The following GOT1L1 variants were observed in gnomAD, a reference collection of about 807,000 sequenced individuals.
GOT1L1 encodes the protein aspartate aminotransferase, cytoplasmic 2.
GOT1L1 carries 38 observed loss-of-function variants against 43.6 expected under a neutral mutation model. That is an observed-to-expected ratio of 0.87 (90% CI 0.67 to 1.14). The LOEUF is 1.14. Ranked by LOEUF, GOT1L1 falls within the 50% of genes most tolerant of loss-of-function variation. The pLI, the probability that GOT1L1 is intolerant of heterozygous loss-of-function variation, is 0.00. For missense variants in GOT1L1, 482 were observed against 504.0 expected (o/e 0.96, Z 0.42); for synonymous variants, 183 against 187.2 (o/e 0.98, Z 0.18).
chr8:37,934,443 G>C lies in GOT1L1; in HGVS notation c.1116C>G (p.Ile372Met). The change falls in exon 9 of 9, where the codon ATC becomes ATG. Residue 372 changes from isoleucine (I) to methionine (M), a missense_variant. Coordinates refer to ENST00000307599, the MANE Select transcript of GOT1L1 (RefSeq NM_152413.3). The part of the protein sequence containing the change: ...EYLVRKKHIY[I>M]PKNGQINFSC... ...TGAAGTTAATCTGACCGTTCTTGGGGATATAGATGTGCTTCTTCCTGACCA... is the reference window on the plus strand; with the variant it reads ...TGAAGTTAATCTGACCGTTCTTGGGCATATAGATGTGCTTCTTCCTGACCA... The C allele has an allele frequency of 1.2e-6, 2 of 1,613,898 alleles. No individual in the cohort carries two copies. Among genetic ancestry groups the C allele is most frequent in the Non-Finnish European group, 8.5e-7 (1 of 1,179,836 alleles).
At chr8:37,939,834 C>T (rs1394571151) in intron 1 of GOT1L1, 81 bp downstream of exon 1, 2 of 1,365,738 alleles carry the variant, frequency 1.5e-6, no homozygotes, top group African/African-American at 2.9e-5. Flanking sequence ...TGCACCCCTC[C>T]CCCTGCAGCA....
chr8:37,935,341 T>C, intron 7 of GOT1L1, 126 bp from the exon 8 acceptor site: 1 of 971,230 alleles, frequency 1.0e-6, no homozygotes, highest in South Asian at 1.8e-5. Flanking sequence ...TCTGGGATGA[T>C]TATGAGTGGG....
In GOT1L1 at chr8:37,934,377, G is replaced by A. The variant is rs369494599; in HGVS notation, c.1182C>T (p.Gly394=). The A allele has an allele frequency of 2.7e-5, 44 of 1,613,072 alleles. No individual in the cohort carries two copies. In the African/African-American group the frequency reaches 4.1e-4, roughly 15 times the overall value. ...NANNINYITE[G]INEAVLLTES... is the part of the protein sequence containing the mutation. ...CTGTGAGGAGGACAGCCTCATTGAT[G>A]CCCTCAGTGATGTAATTTATGTTGT... Residue 394 remains glycine, a synonymous_variant, in exon 9 of 9, where the codon GGC becomes GGT. Coordinates refer to ENST00000307599, the MANE Select transcript of GOT1L1 (RefSeq NM_152413.3).
chr8:37,935,790 T>C lies in GOT1L1; in HGVS notation c.843A>G (p.Leu281=), dbSNP rs775714349. The C allele has an allele frequency of 9.2e-5, 148 of 1,613,112 alleles. 1 individual carries two copies. In the South Asian group the frequency reaches 1.6e-3, roughly 17 times the overall value. ...LLCVLSQLEG[L]AQALWLNPPN... Reference sequence around the variant, plus strand: ...GGGGGTTTAGCCACAGGGCCTGGGCTAATCCTTCCAGCTGGGAGAGGACAC... The same window carrying C: ...GGGGGTTTAGCCACAGGGCCTGGGCCAATCCTTCCAGCTGGGAGAGGACAC... Residue 281 remains leucine (L), a synonymous_variant, in exon 7 of 9, where the codon TTA becomes TTG. Transcript: ENST00000307599.
rs758145965 is a variant in GOT1L1, at chr8:37,939,966, T to C, written c.64A>G (p.Lys22Glu). 3 of 1,613,620 alleles carry C rather than the reference T, an allele frequency of 1.9e-6. No individual in the cohort carries two copies. The East Asian group carries it at 6.7e-5, about 36-fold the overall frequency. Reference protein sequence around the residue: ...LAHKLEGSLLKTYKQDDYPNK... With the variant: ...LAHKLEGSLLETYKQDDYPNK... ...GGGTAATCATCTTGTTTGTAGGTCT[T>C]TAACAAGCTGCCCTCTAGCTTGTGG... Residue 22 changes from lysine to glutamate, a missense_variant, in exon 1 of 9, where the codon AAG (lysine) becomes GAG (glutamate). Coordinates refer to ENST00000307599, the MANE Select transcript of GOT1L1 (RefSeq NM_152413.3).
intron 3 of GOT1L1, 55 bp from the exon 4 acceptor site, chr8:37,937,441 C>T (rs1006253936): frequency 1.5e-5 from 19 of 1,245,350 alleles, no homozygotes; most frequent in Non-Finnish European, 1.9e-5. Context: ...GAGACGGAGA[C>T]AGAGGTACTG....
rs1237987679 is a variant in GOT1L1 at position 37,939,431 on chromosome 8, A to AAAAT, written c.115+483_115+484insATTT. 6.9e-3 allele frequency among the ~76,000 whole-genome samples: 285 copies of AAAAT among 41,588 alleles called. 5 individuals carry two copies. Among genetic ancestry groups the AAAAT allele is most frequent in the Non-Finnish European group, 0.011 (245 of 21,816 alleles). The allele number at this position is 41,588 out of a possible 152,430, so 27.3% of individuals were successfully genotyped here. A position where few individuals can be genotyped will look rare whatever the true frequency, so the allele number is the denominator to read the frequency against. On this transcript the variant is annotated intron_variant, in intron 1 of 8. Coordinates refer to ENST00000307599, the MANE Select transcript of GOT1L1 (RefSeq NM_152413.3). Reference sequence around the variant, plus strand: ...CCTGTCTCAAGAAAAAAAAAAAAAAAATATATATATATATATATATATATA... The same window carrying AAAAT: ...CCTGTCTCAAGAAAAAAAAAAAAAAAAAATATATATATATATATATATATATATA...
At chr8:37,939,443 T>A (rs1429864464) in intron 1 of GOT1L1, among the ~76,000 whole-genome samples, 362 of 29,860 alleles carry the variant, frequency 0.012, 17 homozygotes, top group African/African-American at 0.068. Context: ...TATATATATA[T>A]ATATATATAT....
chr8:37,934,715 A>T lies in GOT1L1; in HGVS notation c.1073-229T>A, dbSNP rs148582865. ...CCTCCCAAGTAGCTATGATTACAGG[A>T]TGCACCACCATGCACGGCTAATTTT... On this transcript the variant is annotated intron_variant, in intron 8 of 8. Transcript: ENST00000307599. 3.1e-4 allele frequency among the ~76,000 whole-genome samples: 47 copies of T among 152,154 alleles called. No homozygotes were observed. In the East Asian group the frequency reaches 8.9e-3, roughly 29 times the overall value.
Position 37,940,034 on chromosome 8 carries a change from G to A in GOT1L1, c.-5C>T. 1 of 1,611,386 alleles carries A rather than the reference G, an allele frequency of 6.2e-7. No individual in the cohort carries two copies. Among genetic ancestry groups the A allele is most frequent in the Non-Finnish European group, 8.5e-7 (1 of 1,178,600 alleles). ...GAACACTGAAAGGGTGGGCATAACTGAAACGAAACTGGAGCCAAGACTATG... is the reference window on the plus strand; with the variant it reads ...GAACACTGAAAGGGTGGGCATAACTAAAACGAAACTGGAGCCAAGACTATG... On this transcript the variant is annotated 5_prime_UTR_variant, in exon 1 of 9. Transcript: ENST00000307599.
Position 37,937,696 on chromosome 8 carries a change from C to A in GOT1L1, c.351G>T (p.Gln117His), listed in dbSNP as rs776749648. The change falls in exon 3 of 9, where the codon CAG becomes CAT. Residue 117 changes from glutamine to histidine, a missense_variant. Coordinates refer to ENST00000307599, the MANE Select transcript of GOT1L1 (RefSeq NM_152413.3). ...GDSGAFQLGV[Q>H]FLRAWHKDAR... ...CATCCTTATGCCAAGCTCTGAGAAA[C>A]TGGACGCCAAGCTGGAAGGCACCAC... is the stretch of plus-strand genomic sequence containing the variant. 1 of 1,613,354 alleles carries A rather than the reference C, an allele frequency of 6.2e-7. No homozygotes were observed. The highest frequency in any genetic ancestry group is 8.5e-7 in the Non-Finnish European group (1 of 1,179,654).
chr8:37,937,026 C>T lies in GOT1L1; in HGVS notation c.551G>A (p.Gly184Glu). 2 of 1,613,934 alleles carry T rather than the reference C, an allele frequency of 1.2e-6. No individual in the cohort carries two copies. Among genetic ancestry groups the T allele is most frequent in the Non-Finnish European group, 1.7e-6 (2 of 1,179,880 alleles). The change falls in exon 5 of 9, where the codon GGG becomes GAG. Residue 184 changes from glycine to glutamate, a missense_variant. Physicochemically the swap from Gly to Glu is moderately conservative, Grantham distance 98. Transcript: ENST00000307599. ...TGTCAACTTGCAGTCGATAATGTTC[C>T]CCATCACAAGGACACAGCCATGTGG... is the stretch of plus-strand genomic sequence containing the variant. ...QIPHGCVLVMGNIIDCKLTPS... is the reference protein window; with the variant it reads ...QIPHGCVLVMENIIDCKLTPS...
intron 2 of GOT1L1, 37 bp downstream of exon 2, chr8:37,938,661 CTG>C: frequency 6.6e-7 from 1 of 1,522,684 alleles, no homozygotes; most frequent in Non-Finnish European, 8.8e-7. Context: ...TCGCCACTCT[CTG>C]TGTCTAAATG....
rs1807864884 is a variant in GOT1L1, at chr8:37,939,434, ATATATATATATATATATATATAT to A, written c.115+458_115+480del. On this transcript the variant is annotated intron_variant, in intron 1 of 8. Transcript: ENST00000307599. ...GTCTCAAGAAAAAAAAAAAAAAAATATATATATATATATATATATATATATATATATATATATATGCAAAATGA... is the reference window on the plus strand; with the variant it reads ...GTCTCAAGAAAAAAAAAAAAAAAATAATATATATATATATATGCAAAATGA... 3.5e-4 allele frequency among the ~76,000 whole-genome samples: 20 copies of A among 57,936 alleles called. No homozygotes were observed. In the South Asian group the frequency reaches 0.011, roughly 31 times the overall value. The allele number at this position is 57,936 out of a possible 152,430, so 38.0% of individuals were successfully genotyped here. A position where few individuals can be genotyped will look rare whatever the true frequency, so the allele number is the denominator to read the frequency against.
Position 37,935,231 on chromosome 8 carries a change from A to G in GOT1L1, c.930-16T>C. Reference sequence around the variant, plus strand: ...ACTCTGCTTCCTACCAAGGAAGGACAATGAGAAAGGAGGGTGTGAGGTCCC... The same window carrying G: ...ACTCTGCTTCCTACCAAGGAAGGACGATGAGAAAGGAGGGTGTGAGGTCCC... On this transcript the variant is annotated splice_polypyrimidine_tract_variant and intron_variant, in intron 7 of 8. Transcript: ENST00000307599. 6.3e-7 allele frequency: 1 copy of G among 1,575,472 alleles called. No individual in the cohort carries two copies. Among genetic ancestry groups the G allele is most frequent in the Non-Finnish European group, 8.6e-7 (1 of 1,159,822 alleles).
Position 37,934,446 on chromosome 8 carries a change from A to G in GOT1L1, c.1113T>C (p.Tyr371=), listed in dbSNP as rs777656483. 10 of 1,613,804 alleles carry G rather than the reference A, an allele frequency of 6.2e-6. No homozygotes were observed. The highest frequency in any genetic ancestry group is 1.3e-5 in the African/African-American group (1 of 74,930). ...VEYLVRKKHI[Y]IPKNGQINFS... ...AGTTAATCTGACCGTTCTTGGGGAT[A>G]TAGATGTGCTTCTTCCTGACCAGGT... Residue 371 remains tyrosine (Y), a synonymous_variant, in exon 9 of 9, where the codon TAT becomes TAC. Coordinates refer to ENST00000307599, the MANE Select transcript of GOT1L1 (RefSeq NM_152413.3).
At chr8:37,934,931 G>T in intron 8 of GOT1L1, 142 bp downstream of exon 8, 2 of 904,206 alleles carry the variant, frequency 2.2e-6, no homozygotes, top group Non-Finnish European at 1.7e-6. Context: ...GTCCAGAAGT[G>T]TCTTTAAAGC....
Position 37,935,815 on chromosome 8 carries a change from C to T in GOT1L1, c.818G>A (p.Cys273Tyr), listed in dbSNP as rs773353289. 1 of 1,613,122 alleles carries T rather than the reference C, an allele frequency of 6.2e-7. No homozygotes were observed. Among genetic ancestry groups the T allele is most frequent in the East Asian group, 2.2e-5 (1 of 44,800 alleles). ...VVAVNNQQLL[C>Y]VLSQLEGLAQ... ...TAATCCTTCCAGCTGGGAGAGGACA[C>T]ACAGCAGCTGCTGGTTGTTGACTGC... Residue 273 changes from cysteine (C) to tyrosine (Y), a missense_variant, in exon 7 of 9, where the codon TGT becomes TAT. Cys to Tyr is a radical substitution (Grantham distance 194, BLOSUM62 -2). Transcript: ENST00000307599.
chr8:37,935,326 G>C (rs1807715612), intron 7 of GOT1L1, 111 bp from the exon 8 acceptor site: 1 of 1,077,666 alleles, frequency 9.3e-7, no homozygotes, highest in Non-Finnish European at 1.3e-6. Flanking sequence ...CAGAGTGCCA[G>C]AGGCTCTGGG....
Sources: gnomAD v4.1 joint callset for allele counts (sites outside exome capture counted in the v4.1 genomes callset) on GRCh38, gnomAD v4.1.1 for gene constraint, MANE v1.5 for transcripts, NCBI Gene and HGNC (gene_info 2026-07-23, HGNC 2026-07-21) for gene names.